The following TMEM165 variants were observed in gnomAD, a reference collection of about 807,000 sequenced individuals.
The protein encoded by TMEM165 is transmembrane protein 165, also known as putative divalent cation/proton antiporter TMEM165.
A neutral mutation model predicts 30.0 loss-of-function variants in TMEM165; 19 were observed. The ratio of observed to expected loss-of-function variants is 0.63; its 90% CI spans 0.44 to 0.93. The LOEUF is 0.93. Ranked by LOEUF, TMEM165 falls within the 40% of genes least tolerant of loss-of-function variation. The pLI is 0.00. For missense variants in TMEM165, 340 were observed against 417.0 expected (o/e 0.82, Z 1.61); for synonymous variants, 168 against 162.9 (o/e 1.03, Z -0.24).
intron 3 of TMEM165, among the ~76,000 whole-genome samples, chr4:55,441,268 A>G (rs751545787): frequency 2.6e-5 from 4 of 152,210 alleles, no homozygotes; most frequent in Non-Finnish European, 5.9e-5. Flanking sequence ...TCAAAAAACA[A>G]TAATGTTGGC....
intron 4 of TMEM165, among the ~76,000 whole-genome samples, chr4:55,422,271 CTT>C (rs577937324): frequency 6.6e-6 from 1 of 151,938 alleles, no homozygotes; most frequent in Non-Finnish European, 1.5e-5. Flanking sequence ...TTTATTGACT[CTT>C]TTTTTTGAGA....
At chr4:55,411,489 T>A in intron 1 of TMEM165, 125 bp from the exon 2 acceptor site, 1 of 810,756 alleles carries the variant, frequency 1.2e-6, no homozygotes, top group Non-Finnish European at 2.0e-6. Context: ...TTCAGAGTGA[T>A]TAGACAGTAA....
chr4:55,401,587 T>G (rs1363725487), intron 1 of TMEM165, among the ~76,000 whole-genome samples: 1 of 150,646 alleles, frequency 6.6e-6, no homozygotes, highest in East Asian at 1.9e-4. Context: ...TTCATTTATT[T>G]ATTACGTTTC....
chr4:55,398,693 T>C (rs952405594), intron 1 of TMEM165, among the ~76,000 whole-genome samples: 4 of 152,168 alleles, frequency 2.6e-5, no homozygotes, highest in Non-Finnish European at 5.9e-5. Context: ...CCCTACTAGC[T>C]TTTAGGTGTC....
intron 1 of TMEM165, among the ~76,000 whole-genome samples, chr4:55,406,351 G>A (rs1461920591): frequency 6.6e-6 from 1 of 152,218 alleles, no homozygotes; most frequent in African/African-American, 2.4e-5. Flanking sequence ...AGAATGAGAA[G>A]TTACGTCTCT....
chr4:55,425,231 G>T (rs1722144366), intron 5 of TMEM165, 145 bp from the exon 6 acceptor site: 2 of 633,166 alleles, frequency 3.2e-6, no homozygotes. Flanking sequence ...TATGTAAAAG[G>T]GGTTGAAGTG....
chr4:55,426,613 T>C (rs1273867583), downstream of TMEM165, among the ~76,000 whole-genome samples: 1 of 152,192 alleles, frequency 6.6e-6, no homozygotes, highest in Non-Finnish European at 1.5e-5. Flanking sequence ...CCTCACTAAA[T>C]TGAAGGACAA....
intron 3 of TMEM165, among the ~76,000 whole-genome samples, chr4:55,448,624 G>A (rs1385406128): frequency 6.6e-6 from 1 of 151,686 alleles, no homozygotes; most frequent in African/African-American, 2.4e-5. Context: ...GTGTGTGTGT[G>A]TGTGTGTGTG....
At chr4:55,449,469 G>C in intron 3 of TMEM165, 1 of 1,613,960 alleles carries the variant, frequency 6.2e-7, no homozygotes, top group Non-Finnish European at 8.5e-7. Context: ...TGGAGTGCTC[G>C]TATCCGTCGG....
chr4:55,396,185 G>T lies in TMEM165; in HGVS notation c.-5G>T, dbSNP rs777588842. On this transcript the variant is annotated 5_prime_UTR_variant, in exon 1 of 6. Transcript: ENST00000381334. ...CGCCCGTGCGCGGCCGGCCCGGCAG[G>T]CGGGATGGCGGCCGCGGCTCCAGGG... The T allele has an allele frequency of 2.9e-6, 4 of 1,401,406 alleles. No individual in the cohort carries two copies. The highest frequency in any genetic ancestry group is 3.7e-6 in the Non-Finnish European group (4 of 1,085,484). 86.8% of individuals were successfully genotyped at this position (1,401,406 alleles called of 1,614,324 possible).
At chr4:55,406,886 T>A (rs1231658808) in intron 1 of TMEM165, among the ~76,000 whole-genome samples, 2 of 152,206 alleles carry the variant, frequency 1.3e-5, no homozygotes, top group African/African-American at 2.4e-5. Context: ...GGTCTTGAAC[T>A]CCTGGGCTCA....
chr4:55,400,373 TAATATA>T (rs1296473950), intron 1 of TMEM165, among the ~76,000 whole-genome samples: 1 of 46,948 alleles, frequency 2.1e-5, no homozygotes, highest in South Asian at 2.9e-3. Flanking sequence ...TTAATTATAT[TAATATA>T]ATAATAATAA....
At chr4:55,428,609 T>C (rs1450194449), downstream of TMEM165, 1 of 152,140 alleles carries the variant, frequency 6.6e-6, no homozygotes, top group Non-Finnish European at 1.5e-5. Context: ...CTCCACCGTT[T>C]TGGAAGTAAA....
At chr4:55,403,129 C>T (rs944122171) in intron 1 of TMEM165, 24 of 645,118 alleles carry the variant, frequency 3.7e-5, no homozygotes, top group Non-Finnish European at 5.2e-5. Flanking sequence ...GCCCAGGAGA[C>T]AGTTCTAAGC....
At chr4:55,402,854 T>G (rs1433234805) in intron 1 of TMEM165, among the ~76,000 whole-genome samples, 1 of 133,312 alleles carries the variant, frequency 7.5e-6, no homozygotes, top group African/African-American at 3.0e-5. Flanking sequence ...TGCAGTGGCG[T>G]GATCTCGGCT....
At chr4:55,421,390 TC>T (rs1205130369) in intron 4 of TMEM165, among the ~76,000 whole-genome samples, 1 of 137,594 alleles carries the variant, frequency 7.3e-6, no homozygotes, top group Admixed American at 7.7e-5. Context: ...AACCTCCACC[TC>T]CTGGGCTCAA....
In TMEM165 at chr4:55,420,148, T is replaced by A. The variant is rs866124867; in HGVS notation, c.792+2163T>A. On this transcript the variant is annotated intron_variant, in intron 4 of 5. Coordinates refer to ENST00000381334, the MANE Select transcript of TMEM165 (RefSeq NM_018475.5). Reference sequence around the variant, plus strand: ...ATATATATTTATTTATTTATTTATTTTATTTATTTATTTAATGGCTGTACC... The same window carrying A: ...ATATATATTTATTTATTTATTTATTATATTTATTTATTTAATGGCTGTACC... Among the ~76,000 whole-genome samples the A allele has an allele frequency of 3.9e-3, 436 of 113,234 alleles. 15 individuals are homozygous for A. Among genetic ancestry groups the A allele is most frequent in the Non-Finnish European group, 6.3e-3 (327 of 51,698 alleles). 74.3% of individuals were successfully genotyped at this position (113,234 alleles called of 152,430 possible).
At chr4:55,402,403 GTATA>G (rs869107499) in intron 1 of TMEM165, among the ~76,000 whole-genome samples, 558 of 47,956 alleles carry the variant, frequency 0.012, 19 homozygotes, top group African/African-American at 0.055. Flanking sequence ...GTGTGTGTGT[GTATA>G]TATATATATA....
At chr4:55,400,317 ACTGTATT>A (rs1720932574) in intron 1 of TMEM165, among the ~76,000 whole-genome samples, 1 of 37,246 alleles carries the variant, frequency 2.7e-5, no homozygotes, top group Non-Finnish European at 5.4e-5. Context: ...TAATATTAAT[ACTGTATT>A]ATATATAATA....
Sources: gnomAD v4.1 joint callset for allele counts (sites outside exome capture counted in the v4.1 genomes callset) on GRCh38, gnomAD v4.1.1 for gene constraint, MANE v1.5 for transcripts, NCBI Gene and HGNC (gene_info 2026-07-23, HGNC 2026-07-21) for gene names.